The following CFAP91 variants were observed in gnomAD, a reference collection of about 807,000 sequenced individuals.
CFAP91 encodes cilia and flagella associated protein 91, also known as cilia- and flagella-associated protein 91.
In CFAP91, 85 loss-of-function variants were observed where a neutral mutation model predicts 95.9. The ratio of observed to expected loss-of-function variants is 0.89; its 90% CI spans 0.74 to 1.06. CFAP91 has a LOEUF of 1.06. Among genes scored for constraint, CFAP91 ranks in the 50% least tolerant of loss-of-function variants. The pLI is 0.00. For missense variants in CFAP91, 962 were observed against 943.4 expected, an observed-to-expected ratio of 1.02 and a Z score of -0.26; for synonymous variants, 335 against 327.5, an observed-to-expected ratio of 1.02 and a Z score of -0.25.
chr3:119,734,711 T>C (rs1362855991), intron 10 of CFAP91, among the ~76,000 whole-genome samples: 1 of 152,222 alleles, frequency 6.6e-6, no homozygotes, highest in Admixed American at 6.5e-5. Flanking sequence ...TCTACATTCA[T>C]GAGTGAAATG....
At chr3:119,750,051 G>A (rs1005079874) in intron 16 of CFAP91, among the ~76,000 whole-genome samples, 5 of 152,056 alleles carry the variant, frequency 3.3e-5, no homozygotes, top group Non-Finnish European at 7.4e-5. Context: ...TGGTCTATGT[G>A]ACTCCAAAGC....
At chr3:119,737,559 A>G (rs2054035065) in intron 11 of CFAP91, 77 bp downstream of exon 11, 2 of 885,672 alleles carry the variant, frequency 2.3e-6, no homozygotes, top group Non-Finnish European at 3.5e-6. Context: ...TTTAGCTTAA[A>G]GCAAATCTAA....
intron 16 of CFAP91, among the ~76,000 whole-genome samples, chr3:119,748,753 C>T (rs1189701076): frequency 6.6e-6 from 1 of 152,138 alleles, no homozygotes; most frequent in African/African-American, 2.4e-5. Flanking sequence ...ACCAGTACCC[C>T]CTAAGGATAA....
At chr3:119,749,100 T>G (rs1365933488) in intron 16 of CFAP91, 1 of 152,152 alleles carries the variant, frequency 6.6e-6, no homozygotes, top group Non-Finnish European at 1.5e-5. Flanking sequence ...TCTAGGACCT[T>G]AAGAAAATAT....
chr3:119,707,732 G>GATATATATATATATATATATATATATAT (rs770594988), intron 3 of CFAP91, among the ~76,000 whole-genome samples, 171 bp downstream of exon 3: 117 of 142,412 alleles, frequency 8.2e-4, no homozygotes, highest in African/African-American at 2.2e-3. Context: ...GTATATATGA[G>GATATATATATATATATATATATATATAT]ATATATATAT....
intron 14 of CFAP91, 84 bp from the exon 15 acceptor site, chr3:119,747,031 A>T (rs1183897059): frequency 9.1e-7 from 1 of 1,104,078 alleles, no homozygotes. Context: ...TGAGCTAGAA[A>T]AAGTTAACCA....
chr3:119,719,446 A>C (rs2053640462), intron 6 of CFAP91, among the ~76,000 whole-genome samples: 1 of 152,244 alleles, frequency 6.6e-6, no homozygotes, highest in Non-Finnish European at 1.5e-5. Context: ...AAATAACGAC[A>C]GTGAAAAAGG....
At chr3:119,705,966 C>T (rs2053351793) in intron 1 of CFAP91, 1 of 152,202 alleles carries the variant, frequency 6.6e-6, no homozygotes, top group African/African-American at 2.4e-5. Context: ...TATCCAAATT[C>T]AAAAGAGACT....
chr3:119,756,907 C>G (rs1048823976), intron 17 of CFAP91, among the ~76,000 whole-genome samples: 1 of 152,136 alleles, frequency 6.6e-6, no homozygotes, highest in African/African-American at 2.4e-5. Context: ...AATTTTATCA[C>G]TGACTACATT....
At chr3:119,760,602 A>G (rs757025822) in intron 17 of CFAP91, among the ~76,000 whole-genome samples, 1 of 151,764 alleles carries the variant, frequency 6.6e-6, no homozygotes, top group East Asian at 1.9e-4. Flanking sequence ...TCAAATACAC[A>G]CAGAACATTC....
At chr3:119,706,668 G>T (rs2053370066) in intron 1 of CFAP91, 141 bp from the exon 2 acceptor site, 2 of 652,970 alleles carry the variant, frequency 3.1e-6, no homozygotes, top group African/African-American at 3.6e-5. Context: ...GCACAACAGA[G>T]CATGAGCTGC....
At chr3:119,712,409 A>G (rs913777533) in intron 5 of CFAP91, among the ~76,000 whole-genome samples, 2 of 152,212 alleles carry the variant, frequency 1.3e-5, no homozygotes, top group African/African-American at 4.8e-5. Flanking sequence ...ACATTTGATC[A>G]CATGGTTCAA....
intron 17 of CFAP91, among the ~76,000 whole-genome samples, chr3:119,756,556 A>G (rs890667976): frequency 6.6e-6 from 1 of 152,302 alleles, no homozygotes; most frequent in South Asian, 2.1e-4. Flanking sequence ...ATTATAAGAA[A>G]CAGCAATAAT....
chr3:119,715,340 T>C, intron 5 of CFAP91: 1 of 671,406 alleles, frequency 1.5e-6, no homozygotes. Context: ...ACCATGGTAC[T>C]TTGACCCACT....
chr3:119,732,607 A>C, intron 9 of CFAP91, 131 bp downstream of exon 9: 1 of 639,318 alleles, frequency 1.6e-6, no homozygotes, highest in South Asian at 2.4e-5. Flanking sequence ...CTGATGATAC[A>C]AACCAATAAA....
At position 119,737,061 on chromosome 3, in the gene CFAP91, A is replaced by G. The variant is rs1039366284; in HGVS notation, c.1345-305A>G. ...ATGTTGGTCATCAGGCTGGTCGGTT[A>G]ATATATTTTTAGGAATATCATAGCA... is the stretch of plus-strand genomic sequence containing the variant. On this transcript the variant is annotated intron_variant, in intron 10 of 17. Transcript: ENST00000273390. Among the ~76,000 whole-genome samples the G allele has an allele frequency of 5.3e-5, 8 of 152,162 alleles. 1 individual carries two copies. Among genetic ancestry groups the G allele is most frequent in the Non-Finnish European group, 7.3e-5 (5 of 68,034 alleles).
intron 17 of CFAP91, among the ~76,000 whole-genome samples, chr3:119,762,839 T>C (rs1243668378): frequency 6.6e-6 from 1 of 152,040 alleles, no homozygotes; most frequent in Non-Finnish European, 1.5e-5. Flanking sequence ...ATTAAATACT[T>C]AAGCATAAGT....
At chr3:119,723,708 A>G (rs1055062611) in intron 6 of CFAP91, among the ~76,000 whole-genome samples, 3 of 152,228 alleles carry the variant, frequency 2.0e-5, no homozygotes, top group African/African-American at 7.2e-5. Flanking sequence ...CAGGAAGTAT[A>G]GTATAGTGCA....
chr3:119,732,257 A>G (rs774331598), intron 8 of CFAP91, 37 bp from the exon 9 acceptor site: 2 of 1,495,690 alleles, frequency 1.3e-6, no homozygotes, highest in Admixed American at 2.0e-5. Flanking sequence ...TCAGAACAAT[A>G]TTTTAGAGAT....
Sources: gnomAD v4.1 joint callset for allele counts (sites outside exome capture counted in the v4.1 genomes callset) on GRCh38, gnomAD v4.1.1 for gene constraint, MANE v1.5 for transcripts, NCBI Gene and HGNC (gene_info 2026-07-23, HGNC 2026-07-21) for gene names.